CSMD1: variants seen among roughly 807,000 people sequenced by gnomAD.
CSMD1 encodes the protein CUB and sushi domain-containing protein 1.
In CSMD1, 213 loss-of-function variants were observed where a neutral mutation model predicts 417.5. That is an observed-to-expected ratio of 0.51 (90% confidence interval 0.46 to 0.57). The LOEUF (loss-of-function observed/expected upper bound fraction) is 0.57. CSMD1 is among the 20% of genes least tolerant of loss of function. The pLI, the probability that CSMD1 is intolerant of heterozygous loss-of-function variation, is 0.00. For synonymous variants in CSMD1, 2,862 were observed against 1,736.8 expected (o/e 1.65, Z -16.11); for missense variants, 6,923 against 4,529.7 (o/e 1.53, Z -15.17).
chr8:2,946,431 G>A (rs1349170134), intron 68 of CSMD1, among the ~76,000 whole-genome samples: 1 of 152,128 alleles, frequency 6.6e-6, no homozygotes, highest in Non-Finnish European at 1.5e-5. Flanking sequence ...CCACTAATCA[G>A]TGTCCCATCT....
intron 62 of CSMD1, among the ~76,000 whole-genome samples, chr8:2,958,566 A>G (rs1047620635): frequency 2.0e-5 from 3 of 152,174 alleles, no homozygotes; most frequent in African/African-American, 7.2e-5. Flanking sequence ...AGAATGAGCT[A>G]TGGTCGTGTG....
chr8:3,721,350 C>A (rs1267939994), intron 6 of CSMD1, among the ~76,000 whole-genome samples: 1 of 152,028 alleles, frequency 6.6e-6, no homozygotes, highest in Non-Finnish European at 1.5e-5. Context: ...TTACTAGTGA[C>A]GGCAGATGAA....
At chr8:4,275,476 G>A (rs1288375396) in intron 3 of CSMD1, among the ~76,000 whole-genome samples, 2 of 150,594 alleles carry the variant, frequency 1.3e-5, no homozygotes, top group Admixed American at 6.6e-5. Flanking sequence ...GTAGATCACA[G>A]ATCTCGTAGA....
intron 2 of CSMD1, among the ~76,000 whole-genome samples, chr8:4,609,028 A>C (rs943194363): frequency 6.7e-6 from 1 of 150,374 alleles, no homozygotes; most frequent in East Asian, 1.9e-4. Context: ...AAAAAAAAAA[A>C]CATGAAATCT....
chr8:4,698,923 C>A (rs545680135), intron 1 of CSMD1, among the ~76,000 whole-genome samples: 9 of 151,932 alleles, frequency 5.9e-5, no homozygotes, highest in Non-Finnish European at 1.5e-5. Flanking sequence ...CACACACACA[C>A]ACACACACAC....
chr8:4,831,952 G>A (rs368134535), intron 1 of CSMD1, among the ~76,000 whole-genome samples: 17 of 152,216 alleles, frequency 1.1e-4, no homozygotes, highest in East Asian at 5.8e-4. Flanking sequence ...TAAAATTTTT[G>A]TCTGGGAGAA....
intron 3 of CSMD1, among the ~76,000 whole-genome samples, chr8:4,231,536 T>C (rs1409329636): frequency 6.6e-6 from 1 of 151,898 alleles, no homozygotes; most frequent in East Asian, 1.9e-4. Context: ...TTTTTTTTGG[T>C]GTTAAAGGCT....
intron 54 of CSMD1, among the ~76,000 whole-genome samples, chr8:2,995,776 T>C (rs1806840053): frequency 6.6e-6 from 1 of 152,166 alleles, no homozygotes. Flanking sequence ...AAAATTATGT[T>C]GAATAAAAAA....
chr8:4,344,173 T>C (rs1046047338), intron 3 of CSMD1, among the ~76,000 whole-genome samples: 10 of 152,128 alleles, frequency 6.6e-5, no homozygotes, highest in Non-Finnish European at 1.2e-4. Flanking sequence ...TGCTTTTTCA[T>C]ATATTTTCAG....
At chr8:3,244,784 C>T (rs1414108002) in intron 26 of CSMD1, among the ~76,000 whole-genome samples, 1 of 152,162 alleles carries the variant, frequency 6.6e-6, no homozygotes, top group Non-Finnish European at 1.5e-5. Context: ...CCAGTATCTG[C>T]ACACCCTCCA....
chr8:4,177,519 A>T lies in CSMD1; in HGVS notation c.416-145420T>A, dbSNP rs374916806. ...GACACCCGAACATCACAATTAAAAG[A>T]ACTAGAAAAACAAGAGCAAACACAT... On this transcript the variant is annotated intron_variant, in intron 3 of 69. Transcript: ENST00000635120. 1.0e-3 allele frequency among the ~76,000 whole-genome samples: 157 copies of T among 152,304 alleles called. 6 individuals are homozygous for T. The South Asian group carries it at 0.031, about 30-fold the overall frequency.
chr8:4,138,853 T>G (rs996546766), intron 3 of CSMD1, among the ~76,000 whole-genome samples: 12 of 152,208 alleles, frequency 7.9e-5, no homozygotes, highest in African/African-American at 2.9e-4. Flanking sequence ...AAAGTTAATA[T>G]ATTGTGAATT....
chr8:3,663,812 C>G (rs1798544421), intron 7 of CSMD1, among the ~76,000 whole-genome samples: 1 of 151,986 alleles, frequency 6.6e-6, no homozygotes, highest in Non-Finnish European at 1.5e-5. Flanking sequence ...ATGTGTAAAG[C>G]CAAACTATAC....
intron 3 of CSMD1, among the ~76,000 whole-genome samples, chr8:4,287,960 C>G (rs550055759): frequency 9.2e-5 from 14 of 152,152 alleles, no homozygotes; most frequent in South Asian, 4.2e-4. Flanking sequence ...GATAGCAAAT[C>G]CCAAGACAAT....
intron 33 of CSMD1, among the ~76,000 whole-genome samples, chr8:3,192,749 G>A (rs747486087): frequency 1.3e-5 from 2 of 152,216 alleles, no homozygotes; most frequent in Non-Finnish European, 2.9e-5. Flanking sequence ...TCCATCACAG[G>A]AGGTCAGGTG....
chr8:3,596,756 C>A (rs1801113660), intron 8 of CSMD1, among the ~76,000 whole-genome samples: 1 of 151,992 alleles, frequency 6.6e-6, no homozygotes, highest in African/African-American at 2.4e-5. Flanking sequence ...GAAAACACTG[C>A]TATAATTCAG....
chr8:4,157,374 T>C (rs1430727638), intron 3 of CSMD1, among the ~76,000 whole-genome samples: 2 of 152,204 alleles, frequency 1.3e-5, no homozygotes, highest in African/African-American at 4.8e-5. Context: ...AAAATGTTTA[T>C]TCACGCCAGC....
At chr8:3,072,207 G>A (rs1226435794) in intron 49 of CSMD1, among the ~76,000 whole-genome samples, 2 of 152,134 alleles carry the variant, frequency 1.3e-5, no homozygotes, top group East Asian at 1.9e-4. Flanking sequence ...ACAATTAGAG[G>A]TCGAAAGTTT....
chr8:3,634,845 A>G (rs1796954379), intron 7 of CSMD1, among the ~76,000 whole-genome samples: 1 of 152,128 alleles, frequency 6.6e-6, no homozygotes, highest in Non-Finnish European at 1.5e-5. Flanking sequence ...TGCAAACATC[A>G]CACAGTGCAC....
Sources: allele counts gnomAD v4.1 joint callset (sites outside exome capture counted in the v4.1 genomes callset), GRCh38; gene constraint gnomAD v4.1.1; transcripts MANE v1.5; gene names NCBI Gene and HGNC (gene_info 2026-07-23, HGNC 2026-07-21).